Variants in ITGA6 observed in about 807,000 individuals in gnomAD.
ITGA6 encodes integrin subunit alpha 6, also known as integrin alpha-6.
In ITGA6, 63 loss-of-function variants were observed where a neutral mutation model predicts 133.6. That is an observed-to-expected ratio of 0.47 (90% confidence interval 0.38 to 0.58). The LOEUF (loss-of-function observed/expected upper bound fraction) is 0.58. ITGA6 is among the 20% of genes least tolerant of loss of function. ITGA6 has a pLI of 0.00. For missense variants in ITGA6, 1,068 were observed against 1,309.4 expected (o/e 0.82, Z 2.85); for synonymous variants, 434 against 482.0 (o/e 0.90, Z 1.30).
At position 172,491,529 on chromosome 2, in the gene ITGA6, A is replaced by AGGTT; in HGVS notation, c.2988+7_2988+10dup. 3.8e-6 allele frequency: 6 copies of AGGTT among 1,588,530 alleles called. No homozygotes were observed. The highest frequency in any genetic ancestry group is 5.2e-6 in the Non-Finnish European group (6 of 1,157,386). Reference sequence around the variant, plus strand: ...TGCCAAATGCAGGCACTCAGGTGAGAGGTTCCCCAGCTTCATTCAGGTTCA... The same window carrying AGGTT: ...TGCCAAATGCAGGCACTCAGGTGAGAGGTTGGTTCCCCAGCTTCATTCAGGTTCA... On this transcript the variant is annotated splice_region_variant and intron_variant, in intron 23 of 25. Transcript: ENST00000684293. This position sits in a 1 kb window ranked among gnomAD's most constrained non-coding sequence, Gnocchi z 4.4.
At chr2:172,488,688 C>T (rs1686793610) in intron 19 of ITGA6, among the ~76,000 whole-genome samples, 1 of 152,146 alleles carries the variant, frequency 6.6e-6, no homozygotes, top group Admixed American at 6.5e-5. Flanking sequence ...AGAGTCTGTT[C>T]GTAACTCACA....
intron 11 of ITGA6, among the ~76,000 whole-genome samples, chr2:172,481,513 TTAAA>T (rs1686438667): frequency 6.6e-6 from 1 of 152,236 alleles, no homozygotes. Context: ...AAGGGACAGT[TTAAA>T]TAAATGTACT....
chr2:172,462,736 C>T (rs546441193), intron 1 of ITGA6, among the ~76,000 whole-genome samples: 5 of 152,326 alleles, frequency 3.3e-5, no homozygotes, highest in African/African-American at 1.2e-4. Flanking sequence ...GGGACAACCT[C>T]CACAGCTTTT....
At chr2:172,502,652 C>T (rs1215991262) in intron 25 of ITGA6, among the ~76,000 whole-genome samples, 1 of 152,168 alleles carries the variant, frequency 6.6e-6, no homozygotes, top group Non-Finnish European at 1.5e-5. Flanking sequence ...GTTTTTATTG[C>T]AATATGTTGT....
chr2:172,453,662 C>G (rs886475656), intron 1 of ITGA6, among the ~76,000 whole-genome samples: 21 of 152,212 alleles, frequency 1.4e-4, no homozygotes, highest in Non-Finnish European at 1.5e-5. Context: ...ATCCAAGATA[C>G]TTTCCTGGGC....
At chr2:172,439,333 A>G (rs1174595456) in intron 1 of ITGA6, among the ~76,000 whole-genome samples, 1 of 151,920 alleles carries the variant, frequency 6.6e-6, no homozygotes, top group East Asian at 1.9e-4. Context: ...AGTGTAGAAA[A>G]TGAGGCTCAA....
In ITGA6 at chr2:172,455,734, C is replaced by T. The variant is rs368581061; in HGVS notation, c.183-9805C>T. ...CCTAGCTCATTACTGCTGGATAGAA[C>T]CTGTTGTGAGTACAGAGTTCTCAGA... On this transcript the variant is annotated intron_variant, in intron 1 of 25. Coordinates refer to ENST00000684293, the MANE Select transcript of ITGA6 (RefSeq NM_000210.4). 3.1e-4 allele frequency among the ~76,000 whole-genome samples: 47 copies of T among 152,278 alleles called. No individual in the cohort carries two copies. In the East Asian group the frequency reaches 7.9e-3, roughly 26 times the overall value.
At position 172,467,027 on chromosome 2, in the gene ITGA6, A is replaced by G. The variant is rs149734702; in HGVS notation, c.308-454A>G. On this transcript the variant is annotated intron_variant, in intron 2 of 25. Coordinates refer to ENST00000684293, the MANE Select transcript of ITGA6 (RefSeq NM_000210.4). ...TTTTCTTCCATCTCCAGTAAAGAAG[A>G]GAACATTTAATGCTGTTAAATAAAA... 6.0e-3 allele frequency among the ~76,000 whole-genome samples: 921 copies of G among 152,358 alleles called. 6 individuals carry two copies. The highest frequency in any genetic ancestry group is 0.021 in the African/African-American group (855 of 41,578).
At chr2:172,465,289 A>G (rs1685604402) in intron 1 of ITGA6, 2 of 564,714 alleles carry the variant, frequency 3.5e-6, no homozygotes, top group African/African-American at 1.9e-5. Context: ...AAATGCTGAT[A>G]CTATGAGAGA....
At position 172,487,430 on chromosome 2, in the gene ITGA6, T is replaced by C; in HGVS notation, c.2137T>C (p.Tyr713His). 1 of 1,614,100 alleles carries C rather than the reference T, an allele frequency of 6.2e-7. No homozygotes were observed. Among genetic ancestry groups the C allele is most frequent in the Non-Finnish European group, 8.5e-7 (1 of 1,179,948 alleles). Residue 713 changes from tyrosine (Y) to histidine (H), a missense_variant, in exon 15 of 26, where the codon TAT (tyrosine) becomes CAT (histidine). This residue lies in a region of ITGA6 where 609 missense variants were observed against 707.2 expected (regional missense o/e 0.86). Coordinates refer to ENST00000684293, the MANE Select transcript of ITGA6 (RefSeq NM_000210.4). ...TCCAGACACTTTAACCTATTCTGCATATAGAGAACTGAGGGCTTTCCCTGT... is the reference window on the plus strand; with the variant it reads ...TCCAGACACTTTAACCTATTCTGCACATAGAGAACTGAGGGCTTTCCCTGT... ...TFPDTLTYSA[Y>H]RELRAFPEKQ...
At position 172,480,029 on chromosome 2, in the gene ITGA6, C is replaced by T. The variant is rs372457082; in HGVS notation, c.1527C>T (p.Pro509=). Residue 509 remains proline (P), a synonymous_variant, in exon 11 of 26, where the codon CCC becomes CCT. Coordinates refer to ENST00000684293, the MANE Select transcript of ITGA6 (RefSeq NM_000210.4). ...CCTGTTTTGAATATACTGCTAACCC[C>T]GCTGGTTATAATCCTTCAATATGTA... ...VKSCFEYTAN[P]AGYNPSISIV... is the part of the protein sequence containing the mutation. 8.2e-6 allele frequency: 13 copies of T among 1,585,036 alleles called. No homozygotes were observed. The highest frequency in any genetic ancestry group is 6.7e-5 in the African/African-American group (5 of 74,296).
At chr2:172,489,113 C>T (rs1318840978) in intron 19 of ITGA6, among the ~76,000 whole-genome samples, 2 of 152,192 alleles carry the variant, frequency 1.3e-5, no homozygotes. Context: ...TGTTGGTACA[C>T]TGCCTTGGCC....
intron 1 of ITGA6, among the ~76,000 whole-genome samples, chr2:172,460,616 G>A (rs1463306301): frequency 2.0e-5 from 3 of 152,138 alleles, no homozygotes; most frequent in Admixed American, 2.0e-4. Context: ...TGTGGGGCTT[G>A]GGATGAGTTT....
chr2:172,497,502 C>CA (rs34616494), intron 23 of ITGA6, among the ~76,000 whole-genome samples: 10,957 of 89,378 alleles, frequency 0.12, 1,127 homozygotes, highest in East Asian at 0.6. Context: ...ACCCTGTCTC[C>CA]AAAAAAAAAA....
chr2:172,486,552 G>C (rs1318979500), intron 13 of ITGA6, among the ~76,000 whole-genome samples: 1 of 152,256 alleles, frequency 6.6e-6, no homozygotes, highest in East Asian at 1.9e-4. Flanking sequence ...CATAATAATA[G>C]TATCTTTTTA....
chr2:172,446,323 C>G (rs536719378), intron 1 of ITGA6, among the ~76,000 whole-genome samples: 3 of 151,448 alleles, frequency 2.0e-5, no homozygotes, highest in Non-Finnish European at 4.4e-5. Context: ...GTCGCTTTTT[C>G]CTTTGCAGAT....
intron 24 of ITGA6, among the ~76,000 whole-genome samples, chr2:172,499,830 C>T (rs887028458): frequency 6.6e-6 from 1 of 152,136 alleles, no homozygotes; most frequent in Non-Finnish European, 1.5e-5. Context: ...TGTATATAAT[C>T]TTGGTCAAAT....
chr2:172,431,232 C>G (rs1421091613), intron 1 of ITGA6, among the ~76,000 whole-genome samples: 3 of 152,292 alleles, frequency 2.0e-5, no homozygotes, highest in East Asian at 3.9e-4. Context: ...CCAACTGCCT[C>G]TTTTTACAGA....
At chr2:172,433,517 G>A (rs919866877) in intron 1 of ITGA6, among the ~76,000 whole-genome samples, 4 of 152,174 alleles carry the variant, frequency 2.6e-5, no homozygotes, top group Non-Finnish European at 5.9e-5. Context: ...GCCTTCAGCT[G>A]TGAAGCTAGT....
Sources: gnomAD v4.1 joint callset for allele counts (sites outside exome capture counted in the v4.1 genomes callset) on GRCh38, gnomAD v4.1.1 for gene constraint, gnomAD v4.1.1 regional missense constraint, Gnocchi (gnomAD v3.1) non-coding constraint, MANE v1.5 for transcripts, NCBI Gene and HGNC (gene_info 2026-07-23, HGNC 2026-07-21) for gene names.